Variants in STK17B observed in about 807,000 individuals in gnomAD.
STK17B encodes serine/threonine kinase 17b.
Under a neutral mutation model 42.0 loss-of-function variants are expected in STK17B, and 21 were observed. The observed-to-expected ratio is 0.50, with a 90% CI of 0.35 to 0.72. The LOEUF (loss-of-function observed/expected upper bound fraction) is 0.72, where lower values mean the gene tolerates loss of function less well. STK17B is among the 30% of genes least tolerant of loss of function. The probability of loss-of-function intolerance (pLI) is 0.00; values close to 1 mark genes in which losing one functional copy is unlikely to be tolerated. For missense variants in STK17B, 349 were observed against 446.0 expected, an observed-to-expected ratio of 0.78 and a Z score of 1.96; for synonymous variants, 143 against 148.4, an observed-to-expected ratio of 0.96 and a Z score of 0.26.
At position 196,141,113 on chromosome 2, in the gene STK17B, G is replaced by T. The variant is rs1044305861; in HGVS notation, c.656+136C>A. Reference sequence around the variant, plus strand: ...ATAATGGAAAGGTAAATATTTTCCTGTAGCATAATAATGATATTCAAATAA... The same window carrying T: ...ATAATGGAAAGGTAAATATTTTCCTTTAGCATAATAATGATATTCAAATAA... On this transcript the variant is annotated intron_variant, in intron 6 of 7. Coordinates refer to ENST00000263955, the MANE Select transcript of STK17B (RefSeq NM_004226.4). The T allele has an allele frequency of 9.1e-6, 6 of 656,438 alleles. No individual in the cohort carries two copies. In the African/African-American group the frequency reaches 9.4e-5, roughly 10 times the overall value. 40.7% of individuals were successfully genotyped at this position (656,438 alleles called of 1,614,324 possible). A position where few individuals can be genotyped will look rare whatever the true frequency, so the allele number is the denominator to read the frequency against.
chr2:196,143,882 G>C (rs1369295276), intron 4 of STK17B, among the ~76,000 whole-genome samples, 196 bp from the exon 5 acceptor site: 1 of 152,096 alleles, frequency 6.6e-6, no homozygotes, highest in East Asian at 1.9e-4. Flanking sequence ...CACCCAAAAA[G>C]GATTCTAGGT....
At chr2:196,175,027 G>A (rs1048047252), upstream of STK17B, among the ~76,000 whole-genome samples, 3 of 152,140 alleles carry the variant, frequency 2.0e-5, no homozygotes, top group South Asian at 2.1e-4. Context: ...GAAATGCCAC[G>A]CACATTGGCA....
At chr2:196,151,552 C>T (rs1699666598) in intron 3 of STK17B, 1 of 152,180 alleles carries the variant, frequency 6.6e-6, no homozygotes, top group Admixed American at 6.5e-5. Flanking sequence ...TTTTTTATGA[C>T]CAACTTTAAT....
At chr2:196,147,593 G>A (rs1296806717) in intron 3 of STK17B, among the ~76,000 whole-genome samples, 1 of 152,068 alleles carries the variant, frequency 6.6e-6, no homozygotes, top group Non-Finnish European at 1.5e-5. Flanking sequence ...CAAACATATG[G>A]TGCTTTACAC....
At chr2:196,163,832 G>A (rs1337724412) in intron 1 of STK17B, among the ~76,000 whole-genome samples, 1 of 152,006 alleles carries the variant, frequency 6.6e-6, no homozygotes, top group East Asian at 1.9e-4. Flanking sequence ...GAGGCCAGAA[G>A]TTCAAAACCA....
chr2:196,159,803 G>A (rs1409047230), intron 2 of STK17B, among the ~76,000 whole-genome samples: 1 of 152,176 alleles, frequency 6.6e-6, no homozygotes, highest in Non-Finnish European at 1.5e-5. Context: ...AATAGGAACT[G>A]AAATATCTGT....
chr2:196,150,740 C>CTTG (rs1479614217), intron 3 of STK17B, among the ~76,000 whole-genome samples: 2 of 152,106 alleles, frequency 1.3e-5, no homozygotes, highest in Non-Finnish European at 2.9e-5. Context: ...TCAAAACGAA[C>CTTG]TTGTTTTAAA....
intron 1 of STK17B, among the ~76,000 whole-genome samples, chr2:196,164,743 G>A (rs565206769): frequency 3.3e-5 from 5 of 151,904 alleles, no homozygotes; most frequent in African/African-American, 7.3e-5. Context: ...TCTCTTCTTG[G>A]TGTTATTCTC....
At chr2:196,169,773 C>A (rs755965679) in intron 1 of STK17B, among the ~76,000 whole-genome samples, 1 of 152,038 alleles carries the variant, frequency 6.6e-6, no homozygotes, top group Admixed American at 6.6e-5. Context: ...CAAGAGAAAC[C>A]GCAACCATTC....
At chr2:196,174,346 C>G (rs1479231992), upstream of STK17B, 2 of 152,196 alleles carry the variant, frequency 1.3e-5, no homozygotes, top group African/African-American at 4.8e-5. Context: ...TCAAGTCAGT[C>G]ACCGCATACT....
chr2:196,155,992 TCTC>T (rs1699733123), intron 3 of STK17B: 1 of 155,952 alleles, frequency 6.4e-6, no homozygotes, highest in East Asian at 1.9e-4. Flanking sequence ...ACCTTTCTAT[TCTC>T]CTTATTTTCT....
rs1297554181 is a variant in STK17B at position 196,137,547 on chromosome 2, T to G, written c.1019A>C (p.Lys340Thr). 6.2e-7 allele frequency: 1 copy of G among 1,614,116 alleles called. No individual in the cohort carries two copies. The highest frequency in any genetic ancestry group is 8.5e-7 in the Non-Finnish European group (1 of 1,179,982). Residue 340 changes from lysine to threonine, a missense_variant, in exon 8 of 8, where the codon AAA (lysine) becomes ACA (threonine). By Grantham distance (78) the Lys-to-Thr change is moderately conservative (BLOSUM62 -1). Coordinates refer to ENST00000263955, the MANE Select transcript of STK17B (RefSeq NM_004226.4). ...CNGTCGDREDKENIPEDSSMV... is the reference protein window; with the variant it reads ...CNGTCGDREDTENIPEDSSMV... Reference sequence around the variant, plus strand: ...GCTGCTATCCTCTGGGATATTCTCTTTGTCTTCTCTATCACCACAGGTTCC... The same window carrying G: ...GCTGCTATCCTCTGGGATATTCTCTGTGTCTTCTCTATCACCACAGGTTCC...
At position 196,136,018 on chromosome 2, in the gene STK17B, T is replaced by C. The variant is rs1699399039; in HGVS notation, c.*1429A>G. 1 of 152,108 alleles carries C rather than the reference T, an allele frequency of 6.6e-6. No individual in the cohort carries two copies. The highest frequency in any genetic ancestry group is 2.1e-4 in the South Asian group (1 of 4,828). The allele number at this position is 152,108 out of a possible 1,614,324, so 9.4% of individuals were successfully genotyped here. A position where few individuals can be genotyped will look rare whatever the true frequency, so the allele number is the denominator to read the frequency against. On this transcript the variant is annotated 3_prime_UTR_variant, in exon 8 of 8. Coordinates refer to ENST00000263955, the MANE Select transcript of STK17B (RefSeq NM_004226.4). ...GTCAAATAAAGTGACCTGATAGTTATTCAAAAAGTTTTAAGTTATTATTAA... is the reference window on the plus strand; with the variant it reads ...GTCAAATAAAGTGACCTGATAGTTACTCAAAAAGTTTTAAGTTATTATTAA...
intron 5 of STK17B, among the ~76,000 whole-genome samples, chr2:196,142,859 A>C (rs1699512447): frequency 6.6e-6 from 1 of 152,244 alleles, no homozygotes; most frequent in African/African-American, 2.4e-5. Context: ...TGGGGACATC[A>C]GTATAAACAA....
upstream of STK17B, among the ~76,000 whole-genome samples, chr2:196,175,615 G>A (rs1044235842): frequency 2.0e-5 from 3 of 152,180 alleles, no homozygotes; most frequent in African/African-American, 4.8e-5. Context: ...GCGACAAAGC[G>A]AGACTCTGTC....
intron 3 of STK17B, among the ~76,000 whole-genome samples, chr2:196,147,733 TA>T (rs759562099): frequency 5.9e-5 from 4 of 67,812 alleles, no homozygotes; most frequent in African/African-American, 1.4e-4. Flanking sequence ...TGAGACATAA[TA>T]TATTTTTTTT....
intron 3 of STK17B, chr2:196,151,207 A>G (rs1390442733): frequency 6.6e-6 from 1 of 151,904 alleles, no homozygotes; most frequent in African/African-American, 2.4e-5. Flanking sequence ...GATTTTCACT[A>G]TTTCTAGGAC....
At chr2:196,174,463 C>T (rs962729371), upstream of STK17B, 1 of 152,360 alleles carries the variant, frequency 6.6e-6, no homozygotes. Flanking sequence ...AAACTCAAAA[C>T]TCTTGCCACT....
chr2:196,141,449 C>T (rs907128808), intron 5 of STK17B, 152 bp from the exon 6 acceptor site: 2 of 615,200 alleles, frequency 3.3e-6, no homozygotes, highest in Admixed American at 2.8e-5. Context: ...CACCTGAGAT[C>T]ACAGTTCGAG....
Sources: allele counts gnomAD v4.1 joint callset (sites outside exome capture counted in the v4.1 genomes callset), GRCh38; gene constraint gnomAD v4.1.1; transcripts MANE v1.5; gene names NCBI Gene and HGNC (gene_info 2026-07-23, HGNC 2026-07-21).